Variants in RPH3AL observed in about 807,000 individuals in gnomAD.
RPH3AL encodes the protein rab effector Noc2.
A neutral mutation model predicts 43.1 loss-of-function variants in RPH3AL; 38 were observed. That is an observed-to-expected ratio of 0.88 (90% confidence interval 0.68 to 1.15). RPH3AL has a LOEUF of 1.15. RPH3AL is among the 50% of genes most tolerant of loss of function. The probability of loss-of-function intolerance (pLI) is 0.00; values close to 1 mark genes in which losing one functional copy is unlikely to be tolerated. For synonymous variants in RPH3AL, 189 were observed against 176.3 expected, an observed-to-expected ratio of 1.07 and a Z score of -0.57; for missense variants, 462 against 423.2, an observed-to-expected ratio of 1.09 and a Z score of -0.81.
At chr17:286,661 T>C (rs983071945) in intron 5 of RPH3AL, among the ~76,000 whole-genome samples, 1 of 152,144 alleles carries the variant, frequency 6.6e-6, no homozygotes, top group Non-Finnish European at 1.5e-5. Context: ...CTACATCACC[T>C]TGGTGCAAAC....
chr17:317,387 C>G (rs142757159), intron 5 of RPH3AL, among the ~76,000 whole-genome samples: 16 of 147,196 alleles, frequency 1.1e-4, no homozygotes, highest in African/African-American at 4.1e-4. Context: ...GTCCCTGTGG[C>G]CCCACGTCCA....
intron 5 of RPH3AL, among the ~76,000 whole-genome samples, chr17:293,713 G>T (rs960804966): frequency 6.6e-6 from 1 of 152,184 alleles, no homozygotes; most frequent in Non-Finnish European, 1.5e-5. Context: ...TAAATCAGAA[G>T]GTGGGAGGAG....
At position 264,162 on chromosome 17, in the gene RPH3AL, A is replaced by T. The variant is rs1162041026; in HGVS notation, c.439-16877T>A. On this transcript the variant is annotated intron_variant, in intron 6 of 9. Transcript: ENST00000331302. This position sits in a 1 kb window ranked among gnomAD's most constrained non-coding sequence, Gnocchi z 4.8. ...CAAACGTGAGGTGTACTGAGGTAAC[A>T]TACACACTTGTTTCTAGCATTGTTT... 6.6e-6 allele frequency among the ~76,000 whole-genome samples: 1 copy of T among 152,194 alleles called. No individual in the cohort carries two copies.
chr17:230,748 G>T (rs1221714949), intron 7 of RPH3AL, among the ~76,000 whole-genome samples: 1 of 152,216 alleles, frequency 6.6e-6, no homozygotes. Context: ...TGCAGGACGT[G>T]CTTTCGGGTG....
chr17:255,321 T>C (rs374825087), intron 6 of RPH3AL, among the ~76,000 whole-genome samples: 1 of 242 alleles, frequency 4.1e-3, no homozygotes, highest in Non-Finnish European at 6.3e-3. Context: ...GGGAGCCGCA[T>C]GGCGTCTGTC....
At position 215,679 on chromosome 17, in the gene RPH3AL, CG is replaced by C; in HGVS notation, c.850del (p.Arg284AlafsTer4). On this transcript the variant is annotated frameshift_variant, in exon 9 of 10. Coordinates refer to ENST00000331302, the MANE Select transcript of RPH3AL (RefSeq NM_006987.4). LOFTEE classifies it high-confidence loss of function. The surrounding 1 kb of genome is among the most constrained non-coding windows in gnomAD (Gnocchi z 4.1). ...TGSADPPGGPRPGLTRRAPVK... is the reference protein window; with the variant it reads ...TGSADPPGGPXPGLTRRAPVK... Reference sequence around the variant, plus strand: ...CGGGGCCCTTCGGGTCAGCCCGGGGCGGGGTCCCCCTGGCGGGTCAGCAGAG... The same window carrying C: ...CGGGGCCCTTCGGGTCAGCCCGGGGCGGGTCCCCCTGGCGGGTCAGCAGAG... 1 of 1,276,286 alleles carries C rather than the reference CG, an allele frequency of 7.8e-7. No homozygotes were observed. The highest frequency in any genetic ancestry group is 9.9e-7 in the Non-Finnish European group (1 of 1,006,072). The allele number at this position is 1,276,286 out of a possible 1,614,324, so 79.1% of individuals were successfully genotyped here.
At chr17:312,766 C>T (rs1402922702) in intron 5 of RPH3AL, among the ~76,000 whole-genome samples, 1 of 152,178 alleles carries the variant, frequency 6.6e-6, no homozygotes, top group Admixed American at 6.5e-5. Context: ...GAACAGAGGC[C>T]CAGAGAGGTT....
intron 7 of RPH3AL, among the ~76,000 whole-genome samples, chr17:237,866 G>C (rs547124007): frequency 6.6e-6 from 1 of 152,356 alleles, no homozygotes; most frequent in African/African-American, 2.4e-5. Context: ...TGACACAGCA[G>C]GCCGGGTGCG....
intron 6 of RPH3AL, among the ~76,000 whole-genome samples, chr17:278,702 C>T (rs2042714166): frequency 6.6e-6 from 1 of 152,156 alleles, no homozygotes; most frequent in African/African-American, 2.4e-5. Flanking sequence ...TGTGACACTG[C>T]AGAATTTACT....
intron 7 of RPH3AL, among the ~76,000 whole-genome samples, chr17:239,809 T>C (rs982515252): frequency 1.3e-5 from 2 of 152,210 alleles, no homozygotes; most frequent in Non-Finnish European, 2.9e-5. Context: ...ACAAATTTAT[T>C]TGTAGAGACA....
intron 1 of RPH3AL, among the ~76,000 whole-genome samples, chr17:343,889 T>C: frequency 6.6e-6 from 1 of 152,138 alleles, no homozygotes; most frequent in South Asian, 2.1e-4. Flanking sequence ...TGTCACAGTG[T>C]GCATTCTCAG....
chr17:252,913 G>C (rs1422097793), intron 6 of RPH3AL, among the ~76,000 whole-genome samples: 1 of 152,208 alleles, frequency 6.6e-6, no homozygotes, highest in African/African-American at 2.4e-5. Context: ...ATGATACTCA[G>C]CCTATATTCC....
intron 1 of RPH3AL, among the ~76,000 whole-genome samples, chr17:342,770 T>C (rs1000041213): frequency 2.0e-5 from 3 of 152,134 alleles, no homozygotes; most frequent in African/African-American, 7.2e-5. Flanking sequence ...GATTAGAAGG[T>C]CATCCATGAC....
chr17:348,248 A>G (rs2045282144), intron 1 of RPH3AL, among the ~76,000 whole-genome samples: 1 of 152,214 alleles, frequency 6.6e-6, no homozygotes. Flanking sequence ...AACAGGAAGG[A>G]TGAGGACATG....
intron 7 of RPH3AL, among the ~76,000 whole-genome samples, chr17:221,974 A>G (rs1196316080): frequency 1.4e-4 from 17 of 118,270 alleles, no homozygotes; most frequent in South Asian, 3.0e-4. Context: ...GAGACAGTAG[A>G]CCCAAGCGCA....
intron 7 of RPH3AL, among the ~76,000 whole-genome samples, chr17:226,995 G>A (rs1201273346): frequency 6.6e-6 from 1 of 152,230 alleles, no homozygotes; most frequent in Non-Finnish European, 1.5e-5. Flanking sequence ...AGTACACCAG[G>A]GAGAAGGCTG....
At chr17:307,893 T>G (rs1358220529) in intron 5 of RPH3AL, among the ~76,000 whole-genome samples, 1 of 152,200 alleles carries the variant, frequency 6.6e-6, no homozygotes, top group Non-Finnish European at 1.5e-5. Context: ...CTTGCCAGAC[T>G]CTGAGCAAGG....
At chr17:262,407 G>A (rs2042219945) in intron 6 of RPH3AL, among the ~76,000 whole-genome samples, 1 of 152,120 alleles carries the variant, frequency 6.6e-6, no homozygotes, top group Non-Finnish European at 1.5e-5. Context: ...GTAGAGACGG[G>A]GTTTCACCAT....
At chr17:265,681 G>GA (rs1214360258) in intron 6 of RPH3AL, among the ~76,000 whole-genome samples, 3 of 152,084 alleles carry the variant, frequency 2.0e-5, no homozygotes, top group Non-Finnish European at 4.4e-5. Context: ...CTGACCTCTG[G>GA]AAAATGACAC....
Sources: allele counts gnomAD v4.1 joint callset (sites outside exome capture counted in the v4.1 genomes callset), GRCh38; gene constraint gnomAD v4.1.1; non-coding constraint Gnocchi (gnomAD v3.1); transcripts MANE v1.5; gene names NCBI Gene and HGNC (gene_info 2026-07-23, HGNC 2026-07-21).